Variants in LARGE1 observed in about 807,000 individuals in gnomAD.
LARGE1 encodes xylosyl- and glucuronyltransferase LARGE1.
In LARGE1, 43 loss-of-function variants were observed where a neutral mutation model predicts 87.6. The ratio of observed to expected loss-of-function variants is 0.49; its 90% CI spans 0.38 to 0.63. LARGE1 has a LOEUF of 0.63. LARGE1 is among the 30% of genes least tolerant of loss of function. The pLI, the probability that LARGE1 is intolerant of heterozygous loss-of-function variation, is 0.00. For missense variants in LARGE1, 802 were observed against 1,000.2 expected (o/e 0.80, Z 2.67); for synonymous variants, 434 against 394.6 (o/e 1.10, Z -1.18).
chr22:33,208,592 C>CT (rs1280775162), intron 11 of LARGE1, among the ~76,000 whole-genome samples: 1 of 150,972 alleles, frequency 6.6e-6, no homozygotes, highest in Non-Finnish European at 1.5e-5. Flanking sequence ...TTTTATTATA[C>CT]TTTAAGTTCT....
rs944239152 is a variant in LARGE1 at position 33,882,007 on chromosome 22, A to G, written c.-83+37988T>C. ...TTTGCCACACCCGCAAATGCTATCA[A>G]TTATCTTTGCGGGGTTTTTTTGTTT... is the stretch of plus-strand genomic sequence containing the variant. On this transcript the variant is annotated intron_variant, in intron 1 of 14. Coordinates refer to ENST00000397394, the MANE Select transcript of LARGE1 (RefSeq NM_133642.5). Among the ~76,000 whole-genome samples the G allele has an allele frequency of 6.0e-5, 9 of 150,524 alleles. No homozygotes were observed. The South Asian group carries it at 6.3e-4, about 11-fold the overall frequency.
At chr22:33,834,805 T>C (rs778920205) in intron 1 of LARGE1, among the ~76,000 whole-genome samples, 8 of 152,024 alleles carry the variant, frequency 5.3e-5, no homozygotes, top group African/African-American at 1.9e-4. Flanking sequence ...AAAAGCCAAA[T>C]GGTAAAAGTG....
At chr22:33,794,643 T>C (rs2085924819) in intron 1 of LARGE1, among the ~76,000 whole-genome samples, 1 of 152,194 alleles carries the variant, frequency 6.6e-6, no homozygotes, top group African/African-American at 2.4e-5. Flanking sequence ...CTTTTTGAGA[T>C]GGAGTCTCGC....
the LARGE1 span, among the ~76,000 whole-genome samples, chr22:33,083,545 G>T: frequency 1.3e-5 from 2 of 152,198 alleles, no homozygotes; most frequent in Non-Finnish European, 2.9e-5. Flanking sequence ...TGAACTGACA[G>T]AGTCTCTGTT....
intron 13 of LARGE1, among the ~76,000 whole-genome samples, chr22:33,281,486 A>G (rs1186375735): frequency 2.0e-5 from 3 of 152,054 alleles, no homozygotes; most frequent in Non-Finnish European, 4.4e-5. Context: ...AGGCTCTGCT[A>G]TTTACTGGCT....
downstream of LARGE1, among the ~76,000 whole-genome samples, chr22:33,268,480 G>A (rs541622402): frequency 6.7e-6 from 1 of 148,314 alleles, no homozygotes; most frequent in East Asian, 2.0e-4. Flanking sequence ...CTAGGCTGGA[G>A]TGCATGGCGC....
chr22:33,511,486 T>C (rs2071053640), intron 6 of LARGE1, among the ~76,000 whole-genome samples: 2 of 152,134 alleles, frequency 1.3e-5, no homozygotes, highest in South Asian at 4.1e-4. Flanking sequence ...TTCCCAAATA[T>C]TCCATGGATT....
chr22:33,110,237 G>A, the LARGE1 span, among the ~76,000 whole-genome samples: 1 of 152,100 alleles, frequency 6.6e-6, no homozygotes, highest in Non-Finnish European at 1.5e-5. Context: ...GCAGGGGTGG[G>A]GCCTGATTAA....
chr22:33,324,048 G>A (rs998055268), intron 10 of LARGE1, among the ~76,000 whole-genome samples: 6 of 151,554 alleles, frequency 4.0e-5, no homozygotes, highest in Admixed American at 6.6e-5. Context: ...CCTGGCCAAC[G>A]TGGGGAAACC....
At position 33,762,640 on chromosome 22, in the gene LARGE1, G is replaced by A. The variant is rs75710797; in HGVS notation, c.-82-1082C>T. ...ATGCAGAGAAGGGATAAGAACAAAC[G>A]GACAGCCTGGGGAGGGCATATCCTC... is the stretch of plus-strand genomic sequence containing the variant. On this transcript the variant is annotated intron_variant, in intron 1 of 14. Transcript: ENST00000397394. 6.4e-3 allele frequency among the ~76,000 whole-genome samples: 969 copies of A among 152,238 alleles called. 10 individuals carry two copies. Among genetic ancestry groups the A allele is most frequent in the African/African-American group, 0.021 (874 of 41,538 alleles).
intron 11 of LARGE1, among the ~76,000 whole-genome samples, chr22:33,170,437 T>C (rs1371035680): frequency 6.6e-6 from 1 of 152,106 alleles, no homozygotes; most frequent in African/African-American, 2.4e-5. Flanking sequence ...ATGGTTTGGC[T>C]TGTGTCCCTA....
intron 7 of LARGE1, among the ~76,000 whole-genome samples, chr22:33,426,305 C>T (rs1390941094): frequency 6.6e-6 from 1 of 152,108 alleles, no homozygotes; most frequent in Non-Finnish European, 1.5e-5. Context: ...CCTACCCTTG[C>T]CAGTATTATA....
At chr22:33,822,975 T>A (rs2062682774) in intron 1 of LARGE1, among the ~76,000 whole-genome samples, 1 of 152,132 alleles carries the variant, frequency 6.6e-6, no homozygotes, top group African/African-American at 2.4e-5. Context: ...AACACCAGCA[T>A]CCCAGGGTAT....
At chr22:33,473,220 G>A (rs1400153540) in intron 6 of LARGE1, among the ~76,000 whole-genome samples, 1 of 151,590 alleles carries the variant, frequency 6.6e-6, no homozygotes, top group East Asian at 1.9e-4. Context: ...CCAGGCTGGA[G>A]TGCAATGGCG....
At chr22:33,208,593 T>G (rs1924804699) in intron 11 of LARGE1, among the ~76,000 whole-genome samples, 1 of 152,060 alleles carries the variant, frequency 6.6e-6, no homozygotes, top group Admixed American at 6.5e-5. Context: ...TTTATTATAC[T>G]TTAAGTTCTG....
upstream of LARGE1, among the ~76,000 whole-genome samples, chr22:33,921,558 G>A (rs571210031): frequency 6.6e-6 from 1 of 152,274 alleles, no homozygotes; most frequent in African/African-American, 2.4e-5. This position sits in a 1 kb window ranked among gnomAD's most constrained non-coding sequence, Gnocchi z 4.1. Flanking sequence ...AGTCTGTGAG[G>A]AGCCCCGCCG....
chr22:33,669,085 C>T (rs2081339623), intron 2 of LARGE1, among the ~76,000 whole-genome samples: 1 of 152,224 alleles, frequency 6.6e-6, no homozygotes, highest in African/African-American at 2.4e-5. Context: ...AGAAAAGGCT[C>T]CCCTTGCTTT....
chr22:33,308,712 C>T (rs1235969489), intron 11 of LARGE1, among the ~76,000 whole-genome samples: 3 of 152,252 alleles, frequency 2.0e-5, no homozygotes, highest in South Asian at 4.1e-4. Flanking sequence ...CCAGACAAAC[C>T]CCCGAAAAGC....
intron 1 of LARGE1, among the ~76,000 whole-genome samples, chr22:33,783,382 T>A (rs912727367): frequency 6.6e-6 from 1 of 152,138 alleles, no homozygotes; most frequent in African/African-American, 2.4e-5. Flanking sequence ...CTGGCCAACA[T>A]GGCAAAACCC....
Sources: allele counts gnomAD v4.1 joint callset (sites outside exome capture counted in the v4.1 genomes callset), GRCh38; gene constraint gnomAD v4.1.1; non-coding constraint Gnocchi (gnomAD v3.1); transcripts MANE v1.5; gene names NCBI Gene and HGNC (gene_info 2026-07-23, HGNC 2026-07-21).